SHISAL1: variants seen among roughly 807,000 people sequenced by gnomAD.
SHISAL1 encodes shisa like 1, also known as protein shisa-like-1.
Under a neutral mutation model 22.6 loss-of-function variants are expected in SHISAL1, and 9 were observed. That is an observed-to-expected ratio of 0.40 (90% CI 0.24 to 0.70). The LOEUF (loss-of-function observed/expected upper bound fraction) is 0.70, where lower values mean the gene tolerates loss of function less well. SHISAL1 is among the 30% of genes least tolerant of loss of function. The pLI is 0.39. For missense variants in SHISAL1, 246 were observed against 270.6 expected (o/e 0.91, Z 0.64); for synonymous variants, 119 against 115.4 (o/e 1.03, Z -0.20).
Position 44,246,267 on chromosome 22 carries a change from C to G in SHISAL1, c.*3418G>C, listed in dbSNP as rs1397404892. On this transcript the variant is annotated 3_prime_UTR_variant, in exon 5 of 5. Transcript: ENST00000381176. ...CATAAAACTGCTCATTAATTACACACAGTTCCCAGTGGGAAACAGTCCTTA... is the reference window on the plus strand; with the variant it reads ...CATAAAACTGCTCATTAATTACACAGAGTTCCCAGTGGGAAACAGTCCTTA... The G allele has an allele frequency of 3.3e-5, 5 of 152,240 alleles. No homozygotes were observed. Among genetic ancestry groups the G allele is most frequent in the Non-Finnish European group, 5.9e-5 (4 of 68,058 alleles). 9.4% of individuals were successfully genotyped at this position (152,240 alleles called of 1,614,324 possible).
chr22:44,268,398 T>C (rs968487005), intron 4 of SHISAL1, among the ~76,000 whole-genome samples: 2 of 152,186 alleles, frequency 1.3e-5, no homozygotes, highest in African/African-American at 4.8e-5. Flanking sequence ...ATTAGCCAGA[T>C]AGAAGGTCAA....
At chr22:44,323,598 A>G in the SHISAL1 span, among the ~76,000 whole-genome samples, 1 of 142,798 alleles carries the variant, frequency 7.0e-6, no homozygotes, top group African/African-American at 2.7e-5. Context: ...CCACCCATTC[A>G]TTCATCTATC....
intron 4 of SHISAL1, among the ~76,000 whole-genome samples, chr22:44,272,606 C>T (rs1389577911): frequency 1.3e-5 from 2 of 152,196 alleles, no homozygotes; most frequent in East Asian, 1.9e-4. Context: ...AAGACGTTTC[C>T]TTGGGGGGGA....
upstream of SHISAL1, among the ~76,000 whole-genome samples, chr22:44,313,950 A>T (rs530789038): frequency 9.3e-4 from 142 of 152,240 alleles, no homozygotes; most frequent in South Asian, 2.3e-3. Context: ...GCCCAGAGCG[A>T]TGGGTGCCAC....
At chr22:44,320,548 C>T in the SHISAL1 span, among the ~76,000 whole-genome samples, 4 of 152,162 alleles carry the variant, frequency 2.6e-5, no homozygotes, top group Non-Finnish European at 4.4e-5. Flanking sequence ...AATTTTTTTC[C>T]ACTCCACTGC....
intron 2 of SHISAL1, among the ~76,000 whole-genome samples, chr22:44,299,355 T>G (rs1017611605): frequency 2.0e-5 from 3 of 152,342 alleles, no homozygotes; most frequent in African/African-American, 7.2e-5. Flanking sequence ...ATTCACTGGC[T>G]GGCCCCTCCC....
chr22:44,299,575 C>T (rs1199888100), intron 2 of SHISAL1, among the ~76,000 whole-genome samples: 1 of 152,204 alleles, frequency 6.6e-6, no homozygotes, highest in African/African-American at 2.4e-5. Context: ...GGAGCCCTGC[C>T]AAGCACCCCC....
At chr22:44,301,254 C>A (rs1225611235) in intron 1 of SHISAL1, among the ~76,000 whole-genome samples, 1 of 152,190 alleles carries the variant, frequency 6.6e-6, no homozygotes, top group East Asian at 1.9e-4. Flanking sequence ...AAATGACCGG[C>A]CGGCAGAGGC....
At chr22:44,256,718 G>A (rs948563504) in intron 4 of SHISAL1, among the ~76,000 whole-genome samples, 1 of 151,488 alleles carries the variant, frequency 6.6e-6, no homozygotes, top group African/African-American at 2.4e-5. Context: ...GCCCATGACT[G>A]TATCCCCAGG....
chr22:44,268,789 A>C (rs1372991918), intron 4 of SHISAL1, among the ~76,000 whole-genome samples: 2 of 152,106 alleles, frequency 1.3e-5, no homozygotes, highest in Admixed American at 6.5e-5. Context: ...GTGGGTAAGC[A>C]CCTGGGGGCA....
At chr22:44,328,883 C>T in the SHISAL1 span, among the ~76,000 whole-genome samples, 72 of 152,278 alleles carry the variant, frequency 4.7e-4, no homozygotes, top group African/African-American at 1.7e-3. Flanking sequence ...GCAGCCACCT[C>T]CCAGACCCGC....
chr22:44,286,982 C>A (rs1050116564), intron 3 of SHISAL1, among the ~76,000 whole-genome samples: 12 of 152,250 alleles, frequency 7.9e-5, no homozygotes, highest in Admixed American at 6.5e-5. Context: ...TACACGCCAC[C>A]GCTGCACATC....
At chr22:44,254,529 T>G (rs2055071416) in intron 4 of SHISAL1, among the ~76,000 whole-genome samples, 1 of 152,014 alleles carries the variant, frequency 6.6e-6, no homozygotes, top group African/African-American at 2.4e-5. Context: ...CCTAGCTAAT[T>G]AAAAAAAATT....
At chr22:44,297,138 C>T (rs565196440) in intron 2 of SHISAL1, among the ~76,000 whole-genome samples, 1 of 152,208 alleles carries the variant, frequency 6.6e-6, no homozygotes, top group Admixed American at 6.5e-5. Context: ...GGTGAACATG[C>T]TTGACATGCA....
intron 4 of SHISAL1, among the ~76,000 whole-genome samples, chr22:44,257,968 C>T (rs1208887668): frequency 6.6e-6 from 1 of 152,170 alleles, no homozygotes; most frequent in Non-Finnish European, 1.5e-5. Flanking sequence ...GGTGAAATCC[C>T]ATCTCTACTA....
chr22:44,330,787 TC>T, the SHISAL1 span, among the ~76,000 whole-genome samples: 2 of 152,110 alleles, frequency 1.3e-5, 1 homozygote, highest in South Asian at 4.1e-4. Flanking sequence ...CTAATGAGCT[TC>T]CGAGGCTGCC....
At chr22:44,308,028 C>T (rs1370247376) in intron 1 of SHISAL1, among the ~76,000 whole-genome samples, 1 of 152,200 alleles carries the variant, frequency 6.6e-6, no homozygotes, top group Non-Finnish European at 1.5e-5. Flanking sequence ...CACCTCCAGT[C>T]CACTGCAGGA....
At chr22:44,254,163 G>T (rs901450606) in intron 4 of SHISAL1, among the ~76,000 whole-genome samples, 2 of 151,866 alleles carry the variant, frequency 1.3e-5, no homozygotes, top group African/African-American at 4.8e-5. Context: ...ATGCTAAGAG[G>T]AACATACATA....
chr22:44,272,766 G>A (rs772035381), intron 4 of SHISAL1, among the ~76,000 whole-genome samples: 13 of 152,192 alleles, frequency 8.5e-5, no homozygotes, highest in Non-Finnish European at 1.8e-4. Context: ...CCATTGCCCT[G>A]GGTGCCTGTC....
Sources: gnomAD v4.1 joint callset for allele counts (sites outside exome capture counted in the v4.1 genomes callset) on GRCh38, gnomAD v4.1.1 for gene constraint, MANE v1.5 for transcripts, NCBI Gene and HGNC (gene_info 2026-07-23, HGNC 2026-07-21) for gene names.